The following KCNIP3 variants were observed in gnomAD, a reference collection of about 807,000 sequenced individuals.
KCNIP3 encodes the protein potassium voltage-gated channel interacting protein 3, also known as calsenilin.
In KCNIP3, 28 loss-of-function variants were observed where a neutral mutation model predicts 35.0. That is an observed-to-expected ratio of 0.80 (90% CI 0.59 to 1.10). The LOEUF is 1.10. Ranked by LOEUF, KCNIP3 falls within the 50% of genes least tolerant of loss-of-function variation. The probability of loss-of-function intolerance (pLI) is 0.00; values close to 1 mark genes in which losing one functional copy is unlikely to be tolerated. For synonymous variants in KCNIP3, 134 were observed against 133.8 expected (o/e 1.00, Z -0.01); for missense variants, 295 against 338.4 (o/e 0.87, Z 1.01).
At chr2:95,308,835 A>G (rs1002520316) in intron 1 of KCNIP3, among the ~76,000 whole-genome samples, 2 of 152,184 alleles carry the variant, frequency 1.3e-5, no homozygotes, top group African/African-American at 4.8e-5. Flanking sequence ...TCCAACTAGC[A>G]CAGGGGCTGT....
chr2:95,301,176 C>G (rs1433544309), intron 1 of KCNIP3, among the ~76,000 whole-genome samples: 1 of 152,266 alleles, frequency 6.6e-6, no homozygotes, highest in Non-Finnish European at 1.5e-5. Context: ...GGGCCTCAGT[C>G]TTCCCATCTG....
intron 2 of KCNIP3, among the ~76,000 whole-genome samples, chr2:95,361,517 C>T (rs1166627323): frequency 4.6e-5 from 7 of 152,160 alleles, no homozygotes; most frequent in South Asian, 2.1e-4. Context: ...ACTCCATGCC[C>T]GGGTGCCCTT....
chr2:95,342,637 G>A (rs764818969), intron 2 of KCNIP3, among the ~76,000 whole-genome samples: 1 of 152,150 alleles, frequency 6.6e-6, no homozygotes, highest in Non-Finnish European at 1.5e-5. Context: ...TTTTAGCTGT[G>A]TTTTCTCCTG....
chr2:95,325,200 A>T (rs1678705866), intron 2 of KCNIP3, among the ~76,000 whole-genome samples: 1 of 152,114 alleles, frequency 6.6e-6, no homozygotes, highest in African/African-American at 2.4e-5. Flanking sequence ...GCCCTCCCAG[A>T]GAGGGAAGGG....
intron 2 of KCNIP3, among the ~76,000 whole-genome samples, chr2:95,324,715 A>G (rs1472297075): frequency 1.3e-5 from 2 of 151,900 alleles, no homozygotes; most frequent in Non-Finnish European, 2.9e-5. Flanking sequence ...GTTCGAGACC[A>G]GCCTGGCCAA....
At chr2:95,325,614 TAC>T (rs548674014) in intron 2 of KCNIP3, among the ~76,000 whole-genome samples, 90 of 149,482 alleles carry the variant, frequency 6.0e-4, no homozygotes, top group East Asian at 2.0e-3. Flanking sequence ...CATACACACG[TAC>T]ACACACACAC....
intron 1 of KCNIP3, among the ~76,000 whole-genome samples, chr2:95,303,827 A>ATGT (rs1230227940): frequency 1.3e-5 from 2 of 152,226 alleles, no homozygotes; most frequent in African/African-American, 4.8e-5. Flanking sequence ...TCCAATAGAG[A>ATGT]CATGATGCAA....
rs1471380271 is a variant in KCNIP3 at position 95,384,666 on chromosome 2, T to C, written c.*617T>C. 1 of 152,764 alleles carries C rather than the reference T, an allele frequency of 6.5e-6. No homozygotes were observed. The highest frequency in any genetic ancestry group is 1.5e-5 in the Non-Finnish European group (1 of 68,464). 9.5% of individuals were successfully genotyped at this position (152,764 alleles called of 1,614,324 possible). On this transcript the variant is annotated 3_prime_UTR_variant, in exon 9 of 9. Transcript: ENST00000295225. The stretch of plus-strand genomic sequence containing the variant: ...GTCCCAGGATCCCCTGCTACTCCAC[T>C]GACCTGGAAGAGCTGGGTACCAGGC...
At chr2:95,359,683 C>A (rs1370662962) in intron 2 of KCNIP3, among the ~76,000 whole-genome samples, 1 of 152,260 alleles carries the variant, frequency 6.6e-6, no homozygotes, top group Non-Finnish European at 1.5e-5. Context: ...TCTGTCTGAT[C>A]CAGCCTTTGA....
intron 2 of KCNIP3, among the ~76,000 whole-genome samples, chr2:95,352,515 G>A (rs1346967518): frequency 1.3e-5 from 2 of 152,074 alleles, no homozygotes; most frequent in Non-Finnish European, 2.9e-5. Context: ...ACTGGACTTA[G>A]CAGCCCCTCC....
intron 2 of KCNIP3, chr2:95,311,288 C>T (rs1678311339): frequency 6.5e-6 from 1 of 153,358 alleles, no homozygotes; most frequent in African/African-American, 2.4e-5. Context: ...ACCATACACA[C>T]TTGCATACTC....
intron 2 of KCNIP3, chr2:95,346,635 C>A: frequency 1.4e-5 from 2 of 145,430 alleles, no homozygotes; most frequent in South Asian, 3.8e-4. Flanking sequence ...CCCCGGCGCC[C>A]GCGGGGCTGG....
In KCNIP3 at chr2:95,382,547, G is replaced by A. The variant is rs1033379911; in HGVS notation, c.660+66G>A. On this transcript the variant is annotated intron_variant, in intron 7 of 8. Coordinates refer to ENST00000295225, the MANE Select transcript of KCNIP3 (RefSeq NM_013434.5). This position sits in a 1 kb window ranked among gnomAD's most constrained non-coding sequence, Gnocchi z 4.5. ...AGAGGAAGGGGCTCTCGCTTTTGGG[G>A]CCACCCCGGGCAAGTGGCTTGCCCC... 7 of 1,204,078 alleles carry A rather than the reference G, an allele frequency of 5.8e-6. No homozygotes were observed. Among genetic ancestry groups the A allele is most frequent in the Non-Finnish European group, 7.0e-6 (6 of 853,026 alleles). 74.6% of individuals were successfully genotyped at this position (1,204,078 alleles called of 1,614,324 possible).
intron 2 of KCNIP3, among the ~76,000 whole-genome samples, chr2:95,336,046 A>G (rs1261147598): frequency 1.3e-5 from 2 of 152,320 alleles, no homozygotes; most frequent in African/African-American, 4.8e-5. Context: ...CATGTCTTAT[A>G]ATTTTTAGTT....
At chr2:95,320,174 C>T (rs1320227488) in intron 2 of KCNIP3, among the ~76,000 whole-genome samples, 1 of 152,156 alleles carries the variant, frequency 6.6e-6, no homozygotes, top group African/African-American at 2.4e-5. Flanking sequence ...CTGAAAACAC[C>T]ACTGCCTGCT....
intron 1 of KCNIP3, among the ~76,000 whole-genome samples, chr2:95,304,766 C>T (rs1426722844): frequency 6.6e-6 from 1 of 152,202 alleles, no homozygotes; most frequent in Non-Finnish European, 1.5e-5. Flanking sequence ...TCAGCACCAG[C>T]ACACAGCAGG....
chr2:95,314,452 G>T (rs1301734866), intron 2 of KCNIP3, among the ~76,000 whole-genome samples: 3 of 152,326 alleles, frequency 2.0e-5, no homozygotes, highest in African/African-American at 7.2e-5. Context: ...AGTCCTTGGT[G>T]GAGTGATCCA....
chr2:95,356,330 C>T (rs1330005303), intron 2 of KCNIP3, among the ~76,000 whole-genome samples: 6 of 152,038 alleles, frequency 3.9e-5, no homozygotes, highest in East Asian at 3.9e-4. Flanking sequence ...TTTATTTTGT[C>T]GTGCAGAAGC....
At position 95,375,147 on chromosome 2, in the gene KCNIP3, C is replaced by T; in HGVS notation, c.386C>T (p.Thr129Ile). 1 of 1,614,198 alleles carries T rather than the reference C, an allele frequency of 6.2e-7. No homozygotes were observed. Among genetic ancestry groups the T allele is most frequent in the East Asian group, 2.2e-5 (1 of 44,870 alleles). Residue 129 changes from threonine to isoleucine, a missense_variant, in exon 5 of 9, where the codon ACC (threonine) becomes ATC (isoleucine). Coordinates refer to ENST00000295225, the MANE Select transcript of KCNIP3 (RefSeq NM_013434.5). ...AQFFPQGDATTYAHFLFNAFD... is the reference protein window; with the variant it reads ...AQFFPQGDATIYAHFLFNAFD... Reference sequence around the variant, plus strand: ...TCCTTGCCCTCCCCAGATGCCACCACCTATGCACACTTCCTCTTCAACGCC... The same window carrying T: ...TCCTTGCCCTCCCCAGATGCCACCATCTATGCACACTTCCTCTTCAACGCC...
Sources: allele counts gnomAD v4.1 joint callset (sites outside exome capture counted in the v4.1 genomes callset), GRCh38; gene constraint gnomAD v4.1.1; non-coding constraint Gnocchi (gnomAD v3.1); transcripts MANE v1.5; gene names NCBI Gene and HGNC (gene_info 2026-07-23, HGNC 2026-07-21).